Variants in REL observed in about 807,000 individuals in gnomAD.
REL encodes REL proto-oncogene, NF-kB subunit, also known as proto-oncogene c-Rel.
REL carries 15 observed loss-of-function variants against 45.9 expected under a neutral mutation model. That is an observed-to-expected ratio of 0.33 (90% CI 0.22 to 0.50). REL has a LOEUF of 0.50. Ranked by LOEUF, REL falls within the 20% of genes least tolerant of loss-of-function variation. The probability of loss-of-function intolerance (pLI) is 0.98; values close to 1 mark genes in which losing one functional copy is unlikely to be tolerated. For missense variants in REL, 601 were observed against 715.2 expected, an observed-to-expected ratio of 0.84 and a Z score of 1.82; for synonymous variants, 239 against 242.1, an observed-to-expected ratio of 0.99 and a Z score of 0.12.
intron 8 of REL, 113 bp from the exon 9 acceptor site, chr2:60,920,461 A>G: frequency 3.7e-6 from 3 of 811,230 alleles, no homozygotes; most frequent in Non-Finnish European, 4.2e-6. Context: ...TTGGCCTCCC[A>G]AAGTGCTGGG....
chr2:60,894,227 G>A (rs921649732), intron 2 of REL, among the ~76,000 whole-genome samples, 170 bp from the exon 3 acceptor site: 4 of 152,106 alleles, frequency 2.6e-5, no homozygotes, highest in Admixed American at 1.3e-4. Flanking sequence ...AAGTTTTTCT[G>A]TACTGGTATT....
chr2:60,916,823 A>T (rs1327484494), intron 4 of REL, 54 bp from the exon 5 acceptor site: 1 of 1,326,464 alleles, frequency 7.5e-7, no homozygotes, highest in African/African-American at 1.5e-5. Flanking sequence ...GGACCTAGCA[A>T]GTCTTTAGGT....
Position 60,925,866 on chromosome 2 carries a change from T to C in REL, c.*3331T>C. On this transcript the variant is annotated 3_prime_UTR_variant, in exon 10 of 10. Transcript: ENST00000394479. ...GAATTAAGGTTCTGCTACATCTGTG[T>C]TTAGAATATTTTTTTAAAACTAAAT... is the stretch of plus-strand genomic sequence containing the variant. The C allele has an allele frequency of 4.5e-6, 1 of 221,992 alleles. No individual in the cohort carries two copies. Among genetic ancestry groups the C allele is most frequent in the Non-Finnish European group, 9.0e-6 (1 of 110,622 alleles). The allele number at this position is 221,992 out of a possible 1,614,324, so 13.8% of individuals were successfully genotyped here. A position where few individuals can be genotyped will look rare whatever the true frequency, so the allele number is the denominator to read the frequency against.
In REL at chr2:60,881,821, A is replaced by C; in HGVS notation, c.-20A>C. On this transcript the variant is annotated 5_prime_UTR_variant, in exon 1 of 10. Coordinates refer to ENST00000394479, the MANE Select transcript of REL (RefSeq NM_001291746.2). The stretch of plus-strand genomic sequence containing the variant: ...CAGGACGCTGGGAGCTGCCTGCGGG[A>C]AGGTGCGGGGAGCGGAGCCATGGCC... 2 of 1,525,076 alleles carry C rather than the reference A, an allele frequency of 1.3e-6. No individual in the cohort carries two copies. Among genetic ancestry groups the C allele is most frequent in the East Asian group, 5.3e-5 (2 of 37,890 alleles). 94.5% of individuals were successfully genotyped at this position (1,525,076 alleles called of 1,614,324 possible).
intron 4 of REL, among the ~76,000 whole-genome samples, chr2:60,904,884 C>T (rs894633367): frequency 2.6e-5 from 4 of 152,036 alleles, no homozygotes; most frequent in African/African-American, 9.7e-5. Flanking sequence ...AACAAGACCC[C>T]GTCTCTAAGT....
intron 2 of REL, among the ~76,000 whole-genome samples, chr2:60,894,179 G>A (rs1218465946): frequency 6.6e-6 from 1 of 152,096 alleles, no homozygotes; most frequent in African/African-American, 2.4e-5. Flanking sequence ...ATGACCAATT[G>A]AAATTAGGGC....
At chr2:60,900,838 T>TA in intron 3 of REL, 154 bp from the exon 4 acceptor site, 4 of 666,864 alleles carry the variant, frequency 6.0e-6, no homozygotes, top group Non-Finnish European at 7.4e-6. Context: ...TCCCACTTCT[T>TA]ACTCTCTCAT....
In REL at chr2:60,923,860, C is replaced by A; in HGVS notation, c.*1325C>A. The A allele has an allele frequency of 4.3e-6, 1 of 232,874 alleles. No homozygotes were observed. The highest frequency in any genetic ancestry group is 8.5e-6 in the Non-Finnish European group (1 of 117,788). 14.4% of individuals were successfully genotyped at this position (232,874 alleles called of 1,614,324 possible). ...GTAGCCAGAATGATTATTTTTAAAA[C>A]AAGTCAACTCATACCATTCATCTGC... On this transcript the variant is annotated 3_prime_UTR_variant, in exon 10 of 10. Transcript: ENST00000394479.
At chr2:60,897,602 C>T (rs1673384361) in intron 3 of REL, among the ~76,000 whole-genome samples, 1 of 152,132 alleles carries the variant, frequency 6.6e-6, no homozygotes, top group African/African-American at 2.4e-5. Flanking sequence ...GCCACCGTGC[C>T]TGGCCAACTT....
intron 4 of REL, among the ~76,000 whole-genome samples, chr2:60,903,673 G>A (rs1312952987): frequency 6.6e-6 from 1 of 152,070 alleles, no homozygotes; most frequent in Non-Finnish European, 1.5e-5. Flanking sequence ...AGTTGGAATT[G>A]TAGATGTATA....
intron 4 of REL, among the ~76,000 whole-genome samples, chr2:60,903,473 A>C (rs1045724565): frequency 1.3e-5 from 2 of 152,136 alleles, no homozygotes; most frequent in Non-Finnish European, 2.9e-5. Flanking sequence ...TCCCAGGCTC[A>C]GGTGATTCTC....
intron 4 of REL, among the ~76,000 whole-genome samples, chr2:60,903,717 C>T (rs1435614412): frequency 6.6e-6 from 1 of 152,064 alleles, no homozygotes; most frequent in Non-Finnish European, 1.5e-5. Flanking sequence ...TTTTATTAGA[C>T]ACAGGGTTTC....
chr2:60,923,607 G>T lies in REL; in HGVS notation c.*1072G>T. ...CAATGCCATACTTCTGGTTGCTCAG[G>T]CCAAAAACCCTGAAGTCATCCTTGA... On this transcript the variant is annotated 3_prime_UTR_variant, in exon 10 of 10. Coordinates refer to ENST00000394479, the MANE Select transcript of REL (RefSeq NM_001291746.2). The T allele has an allele frequency of 4.3e-6, 1 of 232,508 alleles. No homozygotes were observed. Among genetic ancestry groups the T allele is most frequent in the Non-Finnish European group, 8.5e-6 (1 of 117,652 alleles). 14.4% of individuals were successfully genotyped at this position (232,508 alleles called of 1,614,324 possible).
At chr2:60,904,506 G>T (rs1209636137) in intron 4 of REL, among the ~76,000 whole-genome samples, 1 of 151,948 alleles carries the variant, frequency 6.6e-6, no homozygotes, top group Non-Finnish European at 1.5e-5. Flanking sequence ...AGGAGGCGGA[G>T]GTTGTGGTGA....
At chr2:60,915,277 C>T (rs1288565466) in intron 4 of REL, among the ~76,000 whole-genome samples, 1 of 152,182 alleles carries the variant, frequency 6.6e-6, no homozygotes, top group Non-Finnish European at 1.5e-5. Context: ...ATTGATTACT[C>T]ATCTTTGCAA....
At chr2:60,907,828 C>G (rs1000942317) in intron 4 of REL, among the ~76,000 whole-genome samples, 2 of 151,604 alleles carry the variant, frequency 1.3e-5, no homozygotes, top group African/African-American at 2.4e-5. Flanking sequence ...GTAGCTAGGA[C>G]TACAGGTGCC....
At chr2:60,897,908 C>T (rs543884257) in intron 3 of REL, among the ~76,000 whole-genome samples, 8 of 150,438 alleles carry the variant, frequency 5.3e-5, no homozygotes, top group Non-Finnish European at 7.4e-5. Flanking sequence ...ATTCCCCAAA[C>T]GTGATTTTAC....
chr2:60,886,935 C>G (rs576056678), intron 1 of REL, among the ~76,000 whole-genome samples: 1 of 152,250 alleles, frequency 6.6e-6, no homozygotes, highest in African/African-American at 2.4e-5. Context: ...TCAGTCCCAG[C>G]TTTGCATAGT....
chr2:60,894,669 T>C, intron 3 of REL, 124 bp downstream of exon 3: 1 of 667,918 alleles, frequency 1.5e-6, no homozygotes, highest in Non-Finnish European at 2.3e-6. Flanking sequence ...ATTTACTGTA[T>C]TTTACACTTA....
Sources: allele counts gnomAD v4.1 joint callset (sites outside exome capture counted in the v4.1 genomes callset), GRCh38; gene constraint gnomAD v4.1.1; transcripts MANE v1.5; gene names NCBI Gene and HGNC (gene_info 2026-07-23, HGNC 2026-07-21).